Variants in SPEF2 observed in about 807,000 individuals in gnomAD.
The protein encoded by SPEF2 is sperm flagellar and cilia associated 2.
A neutral mutation model predicts 224.6 loss-of-function variants in SPEF2; 187 were observed. The observed-to-expected ratio is 0.83, with a 90% CI of 0.74 to 0.94. The LOEUF (loss-of-function observed/expected upper bound fraction) is 0.94, where lower values mean the gene tolerates loss of function less well. SPEF2 is among the 40% of genes least tolerant of loss of function. The pLI is 0.00. For missense variants in SPEF2, 2,170 were observed against 2,135.6 expected (o/e 1.02, Z -0.32); for synonymous variants, 715 against 707.3 (o/e 1.01, Z -0.17).
chr5:35,796,095 T>C (rs981575069), intron 33 of SPEF2, among the ~76,000 whole-genome samples: 3 of 152,316 alleles, frequency 2.0e-5, no homozygotes, highest in Non-Finnish European at 1.5e-5. Context: ...TTTTAACACA[T>C]TTGTCTCTAA....
chr5:35,667,945 T>G (rs1391274500), intron 9 of SPEF2, among the ~76,000 whole-genome samples: 1 of 152,034 alleles, frequency 6.6e-6, no homozygotes, highest in Non-Finnish European at 1.5e-5. Flanking sequence ...AATTTCAAAT[T>G]GAAATCACAA....
intron 1 of SPEF2, among the ~76,000 whole-genome samples, chr5:35,627,131 TG>T (rs1744374978): frequency 6.6e-6 from 1 of 151,840 alleles, no homozygotes; most frequent in Non-Finnish European, 1.5e-5. Flanking sequence ...TGAATATCTG[TG>T]GAGGATTTTG....
At chr5:35,749,019 A>T (rs540116658) in intron 23 of SPEF2, among the ~76,000 whole-genome samples, 14 of 152,292 alleles carry the variant, frequency 9.2e-5, no homozygotes, top group Non-Finnish European at 1.5e-5. Flanking sequence ...GGATGCAGGG[A>T]TGGTTTAACA....
At chr5:35,691,673 A>G (rs1057057169) in intron 11 of SPEF2, among the ~76,000 whole-genome samples, 1 of 152,210 alleles carries the variant, frequency 6.6e-6, no homozygotes, top group Admixed American at 6.5e-5. Context: ...GGAACAAAAT[A>G]ATGGTGATGG....
At chr5:35,628,279 A>G (rs992977564) in intron 1 of SPEF2, among the ~76,000 whole-genome samples, 181 bp from the exon 2 acceptor site, 5 of 152,230 alleles carry the variant, frequency 3.3e-5, no homozygotes, top group African/African-American at 9.6e-5. Flanking sequence ...TTTATAAAAT[A>G]TCTACTGTTA....
intron 23 of SPEF2, among the ~76,000 whole-genome samples, chr5:35,743,701 T>A (rs77204782): frequency 7.3e-5 from 11 of 150,668 alleles, no homozygotes; most frequent in African/African-American, 2.2e-4. Flanking sequence ...CTTTTTTTTT[T>A]AACATTTTTA....
Position 35,705,764 on chromosome 5 carries a change from T to G in SPEF2, c.2621T>G (p.Val874Gly). 1 of 1,531,262 alleles carries G rather than the reference T, an allele frequency of 6.5e-7. No individual in the cohort carries two copies. The highest frequency in any genetic ancestry group is 8.9e-7 in the Non-Finnish European group (1 of 1,129,104). The allele number at this position is 1,531,262 out of a possible 1,614,324, so 94.9% of individuals were successfully genotyped here. The change falls in exon 18 of 37, where the codon GTA (valine) becomes GGA (glycine). Residue 874 changes from valine (V) to glycine (G), a missense_variant. Transcript: ENST00000356031. The stretch of plus-strand genomic sequence containing the variant: ...GATAAGGAATCTTTATGTGAAAAAG[T>G]AAAAGAAATTCTTACGACTGAAATA... Reference protein sequence around the residue: ...EIDKESLCEKVKEILTTEIAK... With the variant: ...EIDKESLCEKGKEILTTEIAK...
chr5:35,806,198 G>A (rs901175407), intron 34 of SPEF2, among the ~76,000 whole-genome samples: 1 of 152,178 alleles, frequency 6.6e-6, no homozygotes, highest in Non-Finnish European at 1.5e-5. Context: ...AAGAGCAGCA[G>A]TAAAAATCCC....
chr5:35,693,353 CTG>C (rs908518450), intron 12 of SPEF2, among the ~76,000 whole-genome samples: 3 of 152,150 alleles, frequency 2.0e-5, no homozygotes, highest in Admixed American at 1.3e-4. Context: ...TGTTCAGAAA[CTG>C]TATGAAAACT....
chr5:35,621,384 C>CAGG (rs141383631), intron 1 of SPEF2, among the ~76,000 whole-genome samples: 38,670 of 151,878 alleles, frequency 0.25, 7,568 homozygotes, highest in African/African-American at 0.56. Context: ...TCAGGTGAGT[C>CAGG]AGGAGGAGAG....
rs145380283 is a variant in SPEF2 at position 35,677,942 on chromosome 5, T to C, written c.1524+7715T>C. 2.5e-3 allele frequency among the ~76,000 whole-genome samples: 380 copies of C among 152,344 alleles called. 1 individual carries two copies. The highest frequency in any genetic ancestry group is 8.7e-3 in the African/African-American group (363 of 41,584). On this transcript the variant is annotated intron_variant, in intron 10 of 36. Coordinates refer to ENST00000356031, the MANE Select transcript of SPEF2 (RefSeq NM_024867.4). The stretch of plus-strand genomic sequence containing the variant: ...ATAAACCTGTCACTGCTGAGCTTTC[T>C]GAACTTCTGAATATGTGACAAGCTG...
In SPEF2 at chr5:35,774,144, G is replaced by A. The variant is rs1161033359; in HGVS notation, c.4078+123G>A. 4.6e-6 allele frequency: 6 copies of A among 1,302,156 alleles called. No homozygotes were observed. The Admixed American group carries it at 9.5e-5, about 21-fold the overall frequency. The allele number at this position is 1,302,156 out of a possible 1,614,324, so 80.7% of individuals were successfully genotyped here. A position where few individuals can be genotyped will look rare whatever the true frequency, so the allele number is the denominator to read the frequency against. On this transcript the variant is annotated intron_variant, in intron 28 of 36. Transcript: ENST00000356031. Reference sequence around the variant, plus strand: ...TATGAGAACATACAGCAAAGAGGTTGAAAAGCACAATATTCAGTTGACTGT... The same window carrying A: ...TATGAGAACATACAGCAAAGAGGTTAAAAAGCACAATATTCAGTTGACTGT...
At position 35,808,496 on chromosome 5, in the gene SPEF2, G is replaced by A. The variant is rs564412670; in HGVS notation, c.5379+1243G>A. ...TTCCCACCTATGAGTGAGAACATGC[G>A]GTATTTGGTTTTCTGTCCTTGCGAT... On this transcript the variant is annotated intron_variant, in intron 36 of 36. Transcript: ENST00000356031. Among the ~76,000 whole-genome samples, 45 of 151,940 alleles carry A rather than the reference G, an allele frequency of 3.0e-4. No homozygotes were observed. The South Asian group carries it at 5.2e-3, about 18-fold the overall frequency.
rs145203350 is a variant in SPEF2 at position 35,734,951 on chromosome 5, C to G, written c.3064-4968C>G. ...GGTCTCAACTTCCTGACCTCAAGAT[C>G]CACCCACCTTGGCCTCCCAAAGTGC... is the stretch of plus-strand genomic sequence containing the variant. On this transcript the variant is annotated intron_variant, in intron 21 of 36. Transcript: ENST00000356031. Among the ~76,000 whole-genome samples the G allele has an allele frequency of 1.2e-3, 178 of 152,088 alleles. 4 individuals carry two copies. In the East Asian group the frequency reaches 0.027, roughly 23 times the overall value.
chr5:35,626,756 T>C (rs1193363360), intron 1 of SPEF2, among the ~76,000 whole-genome samples: 2 of 152,084 alleles, frequency 1.3e-5, no homozygotes, highest in Non-Finnish European at 2.9e-5. Flanking sequence ...TTACTCTGAG[T>C]ATAAAGGGTT....
chr5:35,812,649 T>C (rs973982168), intron 36 of SPEF2, among the ~76,000 whole-genome samples: 8 of 152,232 alleles, frequency 5.3e-5, no homozygotes, highest in African/African-American at 1.9e-4. Flanking sequence ...TTATACATTC[T>C]TTAAAACAAA....
At chr5:35,727,516 G>T (rs553188451) in intron 20 of SPEF2, among the ~76,000 whole-genome samples, 159 bp from the exon 21 acceptor site, 1 of 152,264 alleles carries the variant, frequency 6.6e-6, no homozygotes, top group South Asian at 2.1e-4. Flanking sequence ...TAATTTGGGG[G>T]CTGTGGAGAA....
chr5:35,700,321 A>T (rs1738352925), intron 15 of SPEF2, 175 bp from the exon 16 acceptor site: 1 of 637,884 alleles, frequency 1.6e-6, no homozygotes, highest in Admixed American at 2.9e-5. Flanking sequence ...AAGTATTTTT[A>T]AGCAAGGGAG....
chr5:35,766,777 T>C (rs1474048255), intron 26 of SPEF2, among the ~76,000 whole-genome samples: 1 of 151,946 alleles, frequency 6.6e-6, no homozygotes, highest in East Asian at 1.9e-4. Context: ...TTTGCTACTC[T>C]AAAGTTTCCT....
Sources: gnomAD v4.1 joint callset for allele counts (sites outside exome capture counted in the v4.1 genomes callset) on GRCh38, gnomAD v4.1.1 for gene constraint, MANE v1.5 for transcripts, NCBI Gene and HGNC (gene_info 2026-07-23, HGNC 2026-07-21) for gene names.